CHCHD3: variants seen among roughly 807,000 people sequenced by gnomAD.
CHCHD3 encodes coiled-coil-helix-coiled-coil-helix domain containing 3.
In CHCHD3, 20 loss-of-function variants were observed where a neutral mutation model predicts 38.2. That is an observed-to-expected ratio of 0.52 (90% CI 0.37 to 0.76). The LOEUF (loss-of-function observed/expected upper bound fraction) is 0.76, where lower values mean the gene tolerates loss of function less well. CHCHD3 is among the 30% of genes least tolerant of loss of function. The probability of loss-of-function intolerance (pLI) is 0.00; values close to 1 mark genes in which losing one functional copy is unlikely to be tolerated. For missense variants in CHCHD3, 245 were observed against 279.2 expected, an observed-to-expected ratio of 0.88 and a Z score of 0.87; for synonymous variants, 82 against 100.0, an observed-to-expected ratio of 0.82 and a Z score of 1.07.
intron 3 of CHCHD3, among the ~76,000 whole-genome samples, chr7:132,994,639 C>T: frequency 6.6e-6 from 1 of 152,138 alleles, no homozygotes; most frequent in East Asian, 1.9e-4. Context: ...GATAAATCGC[C>T]TCTTAAGAAT....
intron 5 of CHCHD3, among the ~76,000 whole-genome samples, chr7:132,876,585 T>C (rs72607792): frequency 0.05 from 7,556 of 152,224 alleles, 547 homozygotes; most frequent in East Asian, 0.21. Flanking sequence ...ATGCAACCCA[T>C]ATTGTTGGCA....
chr7:132,988,264 G>A (rs1279046319), intron 3 of CHCHD3, among the ~76,000 whole-genome samples: 2 of 151,416 alleles, frequency 1.3e-5, no homozygotes, highest in Non-Finnish European at 2.9e-5. Flanking sequence ...CAACTTCAGA[G>A]CCTGCATTCT....
chr7:133,035,278 G>C lies in CHCHD3; in HGVS notation c.170-10651C>G. ...TCTGCAAACTTTTTAGCATCAAACT[G>C]GGCCATCTTCTCACACAGTTTCAGT... On this transcript the variant is annotated intron_variant, in intron 2 of 7. Transcript: ENST00000262570. The surrounding 1 kb of genome is among the most constrained non-coding windows in gnomAD (Gnocchi z 4.7). The C allele has an allele frequency of 5.0e-6, 8 of 1,612,814 alleles. No individual in the cohort carries two copies. In the South Asian group the frequency reaches 7.7e-5, roughly 15 times the overall value.
At chr7:132,861,367 CTG>C (rs767236095) in intron 5 of CHCHD3, among the ~76,000 whole-genome samples, 23 of 152,314 alleles carry the variant, frequency 1.5e-4, no homozygotes, top group Non-Finnish European at 2.2e-4. Context: ...TTTTCTCTCA[CTG>C]TATTCATGTT....
chr7:133,073,867 GTTT>G (rs1347103666), intron 1 of CHCHD3, among the ~76,000 whole-genome samples: 1 of 152,126 alleles, frequency 6.6e-6, no homozygotes, highest in Non-Finnish European at 1.5e-5. Context: ...AAATTCTACA[GTTT>G]TTTTCCTTAA....
chr7:132,925,341 A>G (rs1810348716), intron 4 of CHCHD3, among the ~76,000 whole-genome samples: 1 of 152,216 alleles, frequency 6.6e-6, no homozygotes, highest in African/African-American at 2.4e-5. Flanking sequence ...CTGAAACATC[A>G]TGCATTAACC....
chr7:132,871,119 C>T (rs1808758164), intron 5 of CHCHD3, among the ~76,000 whole-genome samples: 1 of 152,092 alleles, frequency 6.6e-6, no homozygotes, highest in South Asian at 2.1e-4. Flanking sequence ...AATATTCGTT[C>T]AAAACTATCT....
chr7:132,895,878 T>G (rs1229217588), intron 4 of CHCHD3, among the ~76,000 whole-genome samples: 1 of 152,236 alleles, frequency 6.6e-6, no homozygotes. Flanking sequence ...TGTTGGTTGT[T>G]TGAGATCAAA....
chr7:132,980,830 T>G (rs1171176048), intron 3 of CHCHD3, among the ~76,000 whole-genome samples: 1 of 152,218 alleles, frequency 6.6e-6, no homozygotes, highest in African/African-American at 2.4e-5. Context: ...CTCTATATTT[T>G]AGTCCCAGGG....
chr7:132,940,955 A>G (rs1810750669), intron 4 of CHCHD3, among the ~76,000 whole-genome samples: 1 of 152,044 alleles, frequency 6.6e-6, no homozygotes, highest in East Asian at 1.9e-4. Context: ...TGCATCCAAG[A>G]TCCAAATTCC....
chr7:133,029,548 C>A (rs1813444468), intron 2 of CHCHD3, among the ~76,000 whole-genome samples: 2 of 152,162 alleles, frequency 1.3e-5, no homozygotes, highest in Admixed American at 1.3e-4. Context: ...CTTCATAGTG[C>A]ACTTTATGCC....
chr7:132,891,839 T>C (rs1351132558), intron 4 of CHCHD3, among the ~76,000 whole-genome samples: 1 of 152,188 alleles, frequency 6.6e-6, no homozygotes, highest in Non-Finnish European at 1.5e-5. Context: ...TCTGATGGTT[T>C]TATAAGCATT....
chr7:132,954,700 A>G (rs1811116652), intron 4 of CHCHD3, among the ~76,000 whole-genome samples: 1 of 152,034 alleles, frequency 6.6e-6, no homozygotes, highest in Admixed American at 6.6e-5. Context: ...CATTCCACAA[A>G]ATCCTGCCCA....
chr7:132,953,702 T>C (rs1162616453), intron 4 of CHCHD3, among the ~76,000 whole-genome samples: 6 of 152,224 alleles, frequency 3.9e-5, no homozygotes, highest in African/African-American at 1.2e-4. Flanking sequence ...AGTATGGAAA[T>C]GCAAGTATAA....
rs1375628539 is a variant in CHCHD3 at position 132,890,875 on chromosome 7, A to G, written c.370-5130T>C. Among the ~76,000 whole-genome samples, 3 of 152,252 alleles carry G rather than the reference A, an allele frequency of 2.0e-5. No individual in the cohort carries two copies. The East Asian group carries it at 5.8e-4, about 29-fold the overall frequency. On this transcript the variant is annotated intron_variant, in intron 4 of 7. Transcript: ENST00000262570. Reference sequence around the variant, plus strand: ...TCTTTCACTATAATATGGATAATCTATGGTAGGCAAAATCTGTTTTACAAC... The same window carrying G: ...TCTTTCACTATAATATGGATAATCTGTGGTAGGCAAAATCTGTTTTACAAC...
chr7:133,023,334 G>A (rs572648633), intron 3 of CHCHD3, among the ~76,000 whole-genome samples: 1 of 152,100 alleles, frequency 6.6e-6, no homozygotes, highest in South Asian at 2.1e-4. Context: ...TTGGGAGTTA[G>A]TTTGTCAAAA....
At chr7:132,953,501 C>G (rs1408861313) in intron 4 of CHCHD3, among the ~76,000 whole-genome samples, 1 of 152,176 alleles carries the variant, frequency 6.6e-6, no homozygotes. Flanking sequence ...GACTGGACTA[C>G]TGGACAACTC....
intron 5 of CHCHD3, among the ~76,000 whole-genome samples, chr7:132,851,963 C>T (rs1447420223): frequency 6.6e-6 from 1 of 152,198 alleles, no homozygotes; most frequent in Admixed American, 6.5e-5. Flanking sequence ...GCTTGCTCAG[C>T]TACAGGAGGA....
intron 4 of CHCHD3, among the ~76,000 whole-genome samples, chr7:132,913,485 A>G (rs1432636253): frequency 6.6e-6 from 1 of 152,214 alleles, no homozygotes; most frequent in Non-Finnish European, 1.5e-5. Context: ...GGCAGAGGGA[A>G]TAGAATGCAC....
Sources: gnomAD v4.1 joint callset for allele counts (sites outside exome capture counted in the v4.1 genomes callset) on GRCh38, gnomAD v4.1.1 for gene constraint, Gnocchi (gnomAD v3.1) non-coding constraint, MANE v1.5 for transcripts, NCBI Gene and HGNC (gene_info 2026-07-23, HGNC 2026-07-21) for gene names.